Variants in TXLNG observed in about 807,000 individuals in gnomAD.
TXLNG encodes taxilin gamma.
Under a neutral mutation model 38.8 loss-of-function variants are expected in TXLNG, and 5 were observed. The observed-to-expected ratio is 0.13, with a 90% CI of 0.07 to 0.27. The LOEUF is 0.27. TXLNG is among the 10% of genes least tolerant of loss of function. TXLNG has a pLI of 1.00. For synonymous variants in TXLNG, 182 were observed against 158.2 expected (o/e 1.15, Z -1.13); for missense variants, 393 against 398.2 (o/e 0.99, Z 0.11).
intron 1 of TXLNG, among the ~76,000 whole-genome samples, chrX:16,800,843 C>T (rs934738644): frequency 8.9e-6 from 1 of 111,915 alleles, no homozygotes; most frequent in Non-Finnish European, 1.9e-5. Flanking sequence ...CTCCAAATCT[C>T]ATGTTATATT....
chrX:16,820,945 T>A (rs758038961), intron 3 of TXLNG, among the ~76,000 whole-genome samples: 1 of 106,143 alleles, frequency 9.4e-6, no homozygotes, highest in East Asian at 3.0e-4. Context: ...GTTTTTTTAA[T>A]TTTTTAGTAG....
intron 8 of TXLNG, among the ~76,000 whole-genome samples, chrX:16,838,413 C>T (rs977930432): frequency 3.1e-4 from 35 of 111,977 alleles, no homozygotes; most frequent in African/African-American, 1.1e-3. Flanking sequence ...ATTATTAGAT[C>T]TCACATAGTG....
In TXLNG at chrX:16,818,613, C is replaced by T. The variant is rs772226003; in HGVS notation, c.142C>T (p.Leu48=). 9 of 1,210,443 alleles carry T rather than the reference C, an allele frequency of 7.4e-6. No homozygotes were observed. Among genetic ancestry groups the T allele is most frequent in the Non-Finnish European group, 1.0e-5 (9 of 894,728 alleles). Reference sequence around the variant, plus strand: ...AATGGAAGAAGCTGGAATTTGTGGGCTAGGGGTGAAAGCAGATATGTTGTG... The same window carrying T: ...AATGGAAGAAGCTGGAATTTGTGGGTTAGGGGTGAAAGCAGATATGTTGTG... ...GTMEEAGICG[L]GVKADMLCNS... The change falls in exon 2 of 10, where the codon CTA becomes TTA. Residue 48 remains leucine (L), a synonymous_variant. Transcript: ENST00000380122.
At chrX:16,828,394 G>A (rs1436903890) in intron 4 of TXLNG, 130 bp downstream of exon 4, 10 of 649,655 alleles carry the variant, frequency 1.5e-5, no homozygotes, top group African/African-American at 8.9e-5. Context: ...TATTTTGCTT[G>A]GCCTGATGCC....
At chrX:16,813,637 CAAA>C (rs150200590) in intron 1 of TXLNG, among the ~76,000 whole-genome samples, 4 of 44,265 alleles carry the variant, frequency 9.0e-5, no homozygotes, top group African/African-American at 7.8e-5. Flanking sequence ...ACCTCGTCTC[CAAA>C]AAAAAAAAAA....
intron 1 of TXLNG, among the ~76,000 whole-genome samples, chrX:16,817,028 A>C: frequency 8.9e-6 from 1 of 111,967 alleles, no homozygotes; most frequent in Non-Finnish European, 1.9e-5. Context: ...TTGTTTTTGA[A>C]CTTTATACAT....
intron 3 of TXLNG, among the ~76,000 whole-genome samples, chrX:16,824,268 G>A (rs776235770): frequency 2.7e-5 from 3 of 110,627 alleles, no homozygotes; most frequent in East Asian, 5.7e-4. Context: ...GATTGCTTGA[G>A]CCCAGGAATT....
At chrX:16,840,082 ACTT>A (rs1929740115) in intron 9 of TXLNG, 166 bp downstream of exon 9, 2 of 377,100 alleles carry the variant, frequency 5.3e-6, no homozygotes, top group South Asian at 8.4e-5. Context: ...AGAATCTGTG[ACTT>A]CTTTCCTGGC....
intron 1 of TXLNG, chrX:16,803,354 AT>A (rs756547872): frequency 0.017 from 1,525 of 89,790 alleles, 16 homozygotes; most frequent in African/African-American, 0.025. Context: ...ATACCCAGCT[AT>A]TTTTTTTTTT....
chrX:16,821,215 A>G (rs750893989), intron 3 of TXLNG, among the ~76,000 whole-genome samples: 6 of 91,559 alleles, frequency 6.6e-5, no homozygotes, highest in Non-Finnish European at 1.2e-4. Flanking sequence ...ATCTTGGGTC[A>G]CTGCATCCTC....
chrX:16,821,398 C>T (rs947039088), intron 3 of TXLNG, among the ~76,000 whole-genome samples: 6 of 111,550 alleles, frequency 5.4e-5, no homozygotes, highest in African/African-American at 2.0e-4. Context: ...CTTGGCCTCC[C>T]AAAGTTCTGG....
In TXLNG at chrX:16,801,531, C is replaced by T. The variant is rs62586583; in HGVS notation, c.102+14942C>T. 5.8e-3 allele frequency among the ~76,000 whole-genome samples: 645 copies of T among 111,768 alleles called. 5 individuals are homozygous for T. Among genetic ancestry groups the T allele is most frequent in the Non-Finnish European group, 9.5e-3 (507 of 53,112 alleles). On this transcript the variant is annotated intron_variant, in intron 1 of 9. Coordinates refer to ENST00000380122, the MANE Select transcript of TXLNG (RefSeq NM_018360.3). The stretch of plus-strand genomic sequence containing the variant: ...GTATGAGAATGGCCTAACACACCTC[C>T]CTTTCCATTACGCTTACCTGAAGTC...
intron 1 of TXLNG, among the ~76,000 whole-genome samples, chrX:16,802,881 C>T (rs1183013008): frequency 2.0e-5 from 2 of 101,818 alleles, no homozygotes; most frequent in Admixed American, 1.1e-4. Flanking sequence ...AGTGCCGTGG[C>T]GTGATCGTGG....
intron 4 of TXLNG, among the ~76,000 whole-genome samples, chrX:16,828,974 C>T (rs1476866003): frequency 9.0e-6 from 1 of 111,230 alleles, no homozygotes; most frequent in African/African-American, 3.3e-5. Flanking sequence ...GTATGGGAGC[C>T]ATTATTACCT....
rs763395243 is a variant in TXLNG, at chrX:16,818,725, G to C, written c.254G>C (p.Gly85Ala). Residue 85 changes from glycine to alanine, a missense_variant, in exon 2 of 10, where the codon GGC becomes GCC. By Grantham distance (60) the Gly-to-Ala change is moderately conservative. Transcript: ENST00000380122. ...AAGCATTCATTGGAAGAGGATGAAG[G>C]CAGTGACTTTATAACAGAGAACAGG... ...SNKHSLEEDEGSDFITENRNL... is the reference protein window; with the variant it reads ...SNKHSLEEDEASDFITENRNL... 2.2e-5 allele frequency: 27 copies of C among 1,210,386 alleles called. No individual in the cohort carries two copies. The South Asian group carries it at 4.2e-4, about 19-fold the overall frequency.
At chrX:16,830,861 GTGTGTGTGTGTGTGTGTGTGTGTGTA>G (rs1481831517) in intron 5 of TXLNG, among the ~76,000 whole-genome samples, 11 of 95,956 alleles carry the variant, frequency 1.1e-4, no homozygotes, top group African/African-American at 4.3e-4. Context: ...GTGTGTGTGT[GTGTGTGTGTGTGTGTGTGTGTGTGTA>G]TAGAGACAGT....
intron 8 of TXLNG, 59 bp from the exon 9 acceptor site, chrX:16,839,762 G>C: frequency 1.1e-6 from 1 of 879,529 alleles, no homozygotes. Flanking sequence ...TGTGTACTGG[G>C]ACAGGGAGTA....
intron 1 of TXLNG, among the ~76,000 whole-genome samples, chrX:16,806,916 CAA>C (rs1182577038): frequency 4.4e-4 from 17 of 38,893 alleles, no homozygotes; most frequent in African/African-American, 1.5e-3. Context: ...GACTCTGTCT[CAA>C]AAAAAAAAAA....
chrX:16,810,572 A>G (rs1464487716), intron 1 of TXLNG, among the ~76,000 whole-genome samples: 1 of 112,473 alleles, frequency 8.9e-6, no homozygotes, highest in African/African-American at 3.2e-5. Flanking sequence ...GCCAAAGTAT[A>G]TCTTTCATTA....
Sources: allele counts gnomAD v4.1 joint callset (sites outside exome capture counted in the v4.1 genomes callset), GRCh38; gene constraint gnomAD v4.1.1; transcripts MANE v1.5; gene names NCBI Gene and HGNC (gene_info 2026-07-23, HGNC 2026-07-21).